The following MGAT5 variants were observed in gnomAD, a reference collection of about 807,000 sequenced individuals.
MGAT5 encodes alpha-1,6-mannosylglycoprotein 6-beta-N-acetylglucosaminyltransferase, also known as alpha-1,6-mannosylglycoprotein 6-beta-N-acetylglucosaminyltransferase A.
A neutral mutation model predicts 94.3 loss-of-function variants in MGAT5; 30 were observed. The ratio of observed to expected loss-of-function variants is 0.32; its 90% CI spans 0.24 to 0.43. The LOEUF is 0.43. Among genes scored for constraint, MGAT5 ranks in the 20% least tolerant of loss-of-function variants. The probability of loss-of-function intolerance (pLI) is 1.00; values close to 1 mark genes in which losing one functional copy is unlikely to be tolerated. For missense variants in MGAT5, 691 were observed against 905.5 expected (o/e 0.76, Z 3.04); for synonymous variants, 310 against 322.9 (o/e 0.96, Z 0.43).
In MGAT5 at chr2:134,182,526, A is replaced by T. The variant is rs79807647; in HGVS notation, c.-143+62235A>T. Reference sequence around the variant, plus strand: ...ACTTTGTGTTGATTGATACATTTACACAAAGAACAGTGCACACATCATTGG... The same window carrying T: ...ACTTTGTGTTGATTGATACATTTACTCAAAGAACAGTGCACACATCATTGG... On this transcript the variant is annotated intron_variant, in intron 1 of 16. Coordinates refer to the MGAT5 transcript ENST00000409645. 7.6e-3 allele frequency among the ~76,000 whole-genome samples: 1,156 copies of T among 152,290 alleles called. 19 individuals carry two copies. Among genetic ancestry groups the T allele is most frequent in the African/African-American group, 0.027 (1,108 of 41,534 alleles).
intron 10 of MGAT5, among the ~76,000 whole-genome samples, chr2:134,384,703 A>G (rs1422347674): frequency 6.6e-6 from 1 of 152,216 alleles, no homozygotes; most frequent in Admixed American, 6.5e-5. Context: ...CTTGAAAACT[A>G]CAGATTCAAA....
At chr2:134,193,130 T>A (rs573549760) in intron 1 of MGAT5, among the ~76,000 whole-genome samples, 53 of 148,776 alleles carry the variant, frequency 3.6e-4, no homozygotes, top group South Asian at 1.0e-3. Context: ...TTTTTATTTT[T>A]TTTTTTTTTT....
intron 1 of MGAT5, among the ~76,000 whole-genome samples, chr2:134,263,453 C>T (rs1008106960): frequency 1.3e-5 from 2 of 152,152 alleles, no homozygotes; most frequent in African/African-American, 4.8e-5. Context: ...TAGTTCTAAC[C>T]CAGAAGAGAA....
At chr2:134,390,871 C>T (rs1317290318) in intron 10 of MGAT5, among the ~76,000 whole-genome samples, 1 of 152,174 alleles carries the variant, frequency 6.6e-6, no homozygotes, top group Non-Finnish European at 1.5e-5. Flanking sequence ...TCCAACCTCT[C>T]TGTATGGTTT....
chr2:134,250,631 T>C (rs1356602605), upstream of MGAT5, among the ~76,000 whole-genome samples: 1 of 152,336 alleles, frequency 6.6e-6, no homozygotes, highest in East Asian at 1.9e-4. Context: ...TGTGATTCTC[T>C]GTGTGTGCTG....
At chr2:134,377,770 A>G (rs1021509665) in intron 10 of MGAT5, among the ~76,000 whole-genome samples, 1 of 152,144 alleles carries the variant, frequency 6.6e-6, no homozygotes, top group Non-Finnish European at 1.5e-5. Context: ...AACTCTTTTC[A>G]TGTTGAGTAC....
rs33942316 is a variant in MGAT5 at position 134,357,877 on chromosome 2, G to GAAA, written c.1247-4387_1247-4385dup. On this transcript the variant is annotated intron_variant, in intron 9 of 15. Coordinates refer to ENST00000281923, the MANE Select transcript of MGAT5 (RefSeq NM_002410.5). Reference sequence around the variant, plus strand: ...AAGAAACTAGTATCACCACCATTTGGAAAAAAAAAAAAATCAGTTTTTGTA... The same window carrying GAAA: ...AAGAAACTAGTATCACCACCATTTGGAAAAAAAAAAAAAAAATCAGTTTTTGTA... 3.0e-4 allele frequency among the ~76,000 whole-genome samples: 45 copies of GAAA among 147,732 alleles called. 1 individual carries two copies. The highest frequency in any genetic ancestry group is 8.5e-4 in the South Asian group (4 of 4,724).
chr2:134,372,622 G>A (rs1186348535), intron 10 of MGAT5, among the ~76,000 whole-genome samples: 1 of 152,166 alleles, frequency 6.6e-6, no homozygotes, highest in Non-Finnish European at 1.5e-5. Flanking sequence ...GCTAGAGCAG[G>A]CCACTCATGG....
intron 1 of MGAT5, among the ~76,000 whole-genome samples, chr2:134,149,475 C>G (rs903732398): frequency 7.2e-5 from 11 of 151,980 alleles, no homozygotes; most frequent in Admixed American, 5.2e-4. Flanking sequence ...AGGCTCTACA[C>G]CCATGTCTTG....
chr2:134,178,698 G>T (rs993821473), intron 1 of MGAT5, among the ~76,000 whole-genome samples: 21 of 152,210 alleles, frequency 1.4e-4, no homozygotes, highest in African/African-American at 5.1e-4. Flanking sequence ...AGGAGTAAGA[G>T]ATTGCTCTAG....
intron 2 of MGAT5, among the ~76,000 whole-genome samples, chr2:134,295,033 G>A: frequency 1.3e-5 from 2 of 152,146 alleles, no homozygotes; most frequent in East Asian, 1.9e-4. Flanking sequence ...AAAACTGCTG[G>A]CAAGTGTACC....
chr2:134,188,968 G>A (rs1689178813), intron 1 of MGAT5, among the ~76,000 whole-genome samples: 1 of 152,210 alleles, frequency 6.6e-6, no homozygotes, highest in Non-Finnish European at 1.5e-5. Context: ...GTGAAGGTCA[G>A]TCAAATGAAG....
chr2:134,364,857 T>G (rs1187927809), intron 10 of MGAT5, among the ~76,000 whole-genome samples: 1 of 152,256 alleles, frequency 6.6e-6, no homozygotes, highest in Non-Finnish European at 1.5e-5. Flanking sequence ...AGTTTCTTTT[T>G]CCAAAGCTTG....
intron 3 of MGAT5, among the ~76,000 whole-genome samples, chr2:134,318,121 C>T (rs1227004007): frequency 6.6e-6 from 1 of 152,122 alleles, no homozygotes; most frequent in African/African-American, 2.4e-5. Flanking sequence ...CCTGGGGAGA[C>T]CACTCCCTGC....
chr2:134,135,709 A>G (rs944049864), intron 1 of MGAT5, among the ~76,000 whole-genome samples: 10 of 151,158 alleles, frequency 6.6e-5, no homozygotes, highest in African/African-American at 1.9e-4. Flanking sequence ...AAAAAAAAAA[A>G]AAAAAGAAAC....
At position 134,428,514 on chromosome 2, in the gene MGAT5, T is replaced by G. The variant is rs142492695; in HGVS notation, c.1869+75T>G. The G allele has an allele frequency of 9.7e-5, 129 of 1,325,802 alleles. No homozygotes were observed. In the African/African-American group the frequency reaches 1.7e-3, roughly 17 times the overall value. The allele number at this position is 1,325,802 out of a possible 1,614,324, so 82.1% of individuals were successfully genotyped here. On this transcript the variant is annotated intron_variant, in intron 14 of 15. Coordinates refer to ENST00000281923, the MANE Select transcript of MGAT5 (RefSeq NM_002410.5). ...GACGCCATAGGGCTCTCAAGAACAT[T>G]TAAGAGCTCACTGTGTTTCTGTGGC...
chr2:134,335,779 C>T (rs1688299025), intron 4 of MGAT5, among the ~76,000 whole-genome samples: 1 of 152,106 alleles, frequency 6.6e-6, no homozygotes, highest in Non-Finnish European at 1.5e-5. Context: ...GCTCCAATGC[C>T]ATTCCCTTTC....
chr2:134,188,699 T>C (rs1689167045), intron 1 of MGAT5, among the ~76,000 whole-genome samples: 1 of 152,150 alleles, frequency 6.6e-6, no homozygotes, highest in Admixed American at 6.5e-5. Context: ...CACCTCCTAG[T>C]ATACTACAAT....
At chr2:134,215,771 A>G (rs1359515457) in intron 1 of MGAT5, among the ~76,000 whole-genome samples, 1 of 152,234 alleles carries the variant, frequency 6.6e-6, no homozygotes, top group African/African-American at 2.4e-5. Context: ...ATGTTTAGCA[A>G]TATGAGATAC....
Sources: gnomAD v4.1 joint callset for allele counts (sites outside exome capture counted in the v4.1 genomes callset) on GRCh38, gnomAD v4.1.1 for gene constraint, MANE v1.5 for transcripts, NCBI Gene and HGNC (gene_info 2026-07-23, HGNC 2026-07-21) for gene names.